The following PDGFB variants were observed in gnomAD, a reference collection of about 807,000 sequenced individuals.
The protein encoded by PDGFB is platelet derived growth factor subunit B, also known as platelet-derived growth factor subunit B.
PDGFB carries 6 observed loss-of-function variants against 29.0 expected under a neutral mutation model. The ratio of observed to expected loss-of-function variants is 0.21; its 90% CI spans 0.11 to 0.41. PDGFB has a LOEUF of 0.41. Among genes scored for constraint, PDGFB ranks in the 10% least tolerant of loss-of-function variants. The pLI is 1.00. For missense variants in PDGFB, 299 were observed against 341.8 expected, an observed-to-expected ratio of 0.87 and a Z score of 0.99; for synonymous variants, 144 against 140.8, an observed-to-expected ratio of 1.02 and a Z score of -0.16.
intron 1 of PDGFB, among the ~76,000 whole-genome samples, chr22:39,238,642 C>G (rs1480694283): frequency 6.6e-6 from 1 of 152,232 alleles, no homozygotes; most frequent in Admixed American, 6.5e-5. Flanking sequence ...AGAGCTGGGT[C>G]GTTCCCAGGC....
chr22:39,233,392 C>T lies in PDGFB; in HGVS notation c.250+43G>A, dbSNP rs750064251. The T allele has an allele frequency of 1.8e-5, 26 of 1,455,826 alleles. 1 individual carries two copies. In the South Asian group the frequency reaches 3.0e-4, roughly 17 times the overall value. 90.2% of individuals were successfully genotyped at this position (1,455,826 alleles called of 1,614,324 possible). A position where few individuals can be genotyped will look rare whatever the true frequency, so the allele number is the denominator to read the frequency against. On this transcript the variant is annotated intron_variant, in intron 3 of 6. Coordinates refer to ENST00000331163, the MANE Select transcript of PDGFB (RefSeq NM_002608.4). ...CGCCCCCGTTCTCTTTCCCTGGCCC[C>T]CATGCTAATTTGAAGGACCCTTGTT...
intron 5 of PDGFB, 40 bp from the exon 6 acceptor site, chr22:39,225,887 AT>A (rs1932156172): frequency 6.3e-7 from 1 of 1,588,070 alleles, no homozygotes; most frequent in South Asian, 1.1e-5. Context: ...CATGTGGACC[AT>A]TGGGGAGGTC....
At chr22:39,235,482 T>C (rs2146446088) in intron 2 of PDGFB, among the ~76,000 whole-genome samples, 1 of 152,244 alleles carries the variant, frequency 6.6e-6, no homozygotes, top group Non-Finnish European at 1.5e-5. Flanking sequence ...CCTGGAGACA[T>C]ACTCGGCAGA....
At chr22:39,225,487 C>T (rs534604005) in intron 6 of PDGFB, among the ~76,000 whole-genome samples, 174 bp from the exon 7 acceptor site, 1 of 152,100 alleles carries the variant, frequency 6.6e-6, no homozygotes, top group East Asian at 1.9e-4. Flanking sequence ...ATTTAGACCT[C>T]CCATCCTCTT....
intron 3 of PDGFB, among the ~76,000 whole-genome samples, chr22:39,233,011 C>T (rs1932347897): frequency 6.6e-6 from 1 of 152,166 alleles, no homozygotes; most frequent in African/African-American, 2.4e-5. Flanking sequence ...GGCCCTTTGC[C>T]ACAGGAGATA....
chr22:39,235,839 C>A lies in PDGFB; in HGVS notation c.99G>T (p.Leu33=), dbSNP rs1932430119. 1 of 1,613,890 alleles carries A rather than the reference C, an allele frequency of 6.2e-7. No homozygotes were observed. The highest frequency in any genetic ancestry group is 8.5e-7 in the Non-Finnish European group (1 of 1,180,002). Residue 33 remains leucine (L), a synonymous_variant, in exon 2 of 7, where the codon CTG becomes CTT. Transcript: ENST00000331163. The part of the protein sequence containing the change: ...DPIPEELYEM[L]SDHSIRSFDD... The stretch of plus-strand genomic sequence containing the variant: ...CAAAGGAGCGGATCGAGTGGTCACT[C>A]AGCATCTCATAAAGCTCCTCGGGAA...
At position 39,244,007 on chromosome 22, in the gene PDGFB, C is replaced by A; in HGVS notation, c.-44G>T. The A allele has an allele frequency of 7.9e-7, 1 of 1,265,530 alleles. No homozygotes were observed. The highest frequency in any genetic ancestry group is 1.1e-6 in the Non-Finnish European group (1 of 934,156). The allele number at this position is 1,265,530 out of a possible 1,614,324, so 78.4% of individuals were successfully genotyped here. On this transcript the variant is annotated 5_prime_UTR_variant, in exon 1 of 7. Transcript: ENST00000331163. This position sits in a 1 kb window ranked among gnomAD's most constrained non-coding sequence, Gnocchi z 4.5. ...CCCGCGGGGCCCCGGACGCGTAGAT[C>A]GAGCGCGCCGCCCCCGCGGCCAGGG...
intron 1 of PDGFB, chr22:39,241,064 AG>A: frequency 1.5e-6 from 1 of 653,772 alleles, no homozygotes; most frequent in East Asian, 2.7e-5. Flanking sequence ...TAGGGCCATT[AG>A]CAAAGCCAGA....
At position 39,244,660 on chromosome 22, in the gene PDGFB, G is replaced by A. The variant is rs1342428150; in HGVS notation, c.-697C>T. ...GCGCTCGGCTGGGCCCGGCCGACAG[G>A]TGGACGCGGCGCGAGTCCGTCGGTC... On this transcript the variant is annotated 5_prime_UTR_variant, in exon 1 of 7. Transcript: ENST00000331163. The surrounding 1 kb of genome is among the most constrained non-coding windows in gnomAD (Gnocchi z 4.5). 2 of 168,388 alleles carry A rather than the reference G, an allele frequency of 1.2e-5. No individual in the cohort carries two copies. The highest frequency in any genetic ancestry group is 2.6e-5 in the Non-Finnish European group (2 of 78,282). The allele number at this position is 168,388 out of a possible 1,614,324, so 10.4% of individuals were successfully genotyped here.
intron 5 of PDGFB, among the ~76,000 whole-genome samples, chr22:39,229,583 CA>C (rs991072611): frequency 7.9e-5 from 12 of 152,312 alleles, no homozygotes; most frequent in African/African-American, 2.6e-4. Flanking sequence ...TTCTCTCATC[CA>C]GGCCCAGATT....
chr22:39,239,669 G>C (rs952433519), intron 1 of PDGFB, among the ~76,000 whole-genome samples: 1 of 152,208 alleles, frequency 6.6e-6, no homozygotes, highest in Non-Finnish European at 1.5e-5. Flanking sequence ...AGGGCGTGGC[G>C]AGGAGGCAGC....
Position 39,225,191 on chromosome 22 carries a change from G to A in PDGFB, c.*151C>T, listed in dbSNP as rs1395148682. The stretch of plus-strand genomic sequence containing the variant: ...TGATGGAAGGGTGGACGGACACGTG[G>A]AGGGGTGGGGGAAGCACCATTGGCC... On this transcript the variant is annotated 3_prime_UTR_variant, in exon 7 of 7. Transcript: ENST00000331163. 6.5e-6 allele frequency: 1 copy of A among 152,768 alleles called. No homozygotes were observed. Among genetic ancestry groups the A allele is most frequent in the Non-Finnish European group, 1.5e-5 (1 of 68,134 alleles). The allele number at this position is 152,768 out of a possible 1,614,324, so 9.5% of individuals were successfully genotyped here.
intron 1 of PDGFB, chr22:39,241,103 G>A (rs2146454900): frequency 3.3e-6 from 2 of 600,620 alleles, no homozygotes; most frequent in East Asian, 2.8e-5. Flanking sequence ...GGGCAGTGGG[G>A]CCCTTCACTC....
At chr22:39,240,812 C>T (rs1241082186) in intron 1 of PDGFB, 3 of 1,609,826 alleles carry the variant, frequency 1.9e-6, no homozygotes, top group South Asian at 1.1e-5. Flanking sequence ...GAAGAGGCTC[C>T]TCAATGTGGG....
chr22:39,241,845 G>A (rs1407327771), intron 1 of PDGFB, among the ~76,000 whole-genome samples: 1 of 152,206 alleles, frequency 6.6e-6, no homozygotes, highest in Non-Finnish European at 1.5e-5. Flanking sequence ...TCCACCACGC[G>A]GAGGTGGTTG....
Position 39,235,765 on chromosome 22 carries a change from G to A in PDGFB, c.160+13C>T. On this transcript the variant is annotated intron_variant, in intron 2 of 6. Coordinates refer to ENST00000331163, the MANE Select transcript of PDGFB (RefSeq NM_002608.4). ...CTCGGAGGGCCGGAGCGCGGGGCGA[G>A]GATTCCATTTACCTCCGGGGTCTCC... The A allele has an allele frequency of 1.3e-6, 2 of 1,595,618 alleles. No individual in the cohort carries two copies. The highest frequency in any genetic ancestry group is 1.7e-6 in the Non-Finnish European group (2 of 1,163,362).
At position 39,244,276 on chromosome 22, in the gene PDGFB, T is replaced by C. The variant is rs1271198173; in HGVS notation, c.-313A>G. ...TGCGTCGCGAACCAGCCGAGGCGTC[T>C]AGCCGTGTGGGGGCGCCCAGGGGAC... On this transcript the variant is annotated 5_prime_UTR_variant, in exon 1 of 7. Coordinates refer to ENST00000331163, the MANE Select transcript of PDGFB (RefSeq NM_002608.4). The surrounding 1 kb of genome is among the most constrained non-coding windows in gnomAD (Gnocchi z 4.5). The C allele has an allele frequency of 4.5e-6, 1 of 222,422 alleles. No homozygotes were observed. The highest frequency in any genetic ancestry group is 8.9e-6 in the Non-Finnish European group (1 of 112,254). The allele number at this position is 222,422 out of a possible 1,614,324, so 13.8% of individuals were successfully genotyped here.
In PDGFB at chr22:39,238,830, T is replaced by C. The variant is rs556320555; in HGVS notation, c.64-2956A>G. Among the ~76,000 whole-genome samples the C allele has an allele frequency of 4.6e-5, 7 of 152,340 alleles. No homozygotes were observed. The South Asian group carries it at 8.3e-4, about 18-fold the overall frequency. On this transcript the variant is annotated intron_variant, in intron 1 of 6. Coordinates refer to ENST00000331163, the MANE Select transcript of PDGFB (RefSeq NM_002608.4). ...GTGGGCCCCCAGGGGACAGTGGCAA[T>C]GTATGAAGGCATCGCTGGTGGCCAC...
intron 1 of PDGFB, among the ~76,000 whole-genome samples, chr22:39,241,364 C>A (rs547178708): frequency 2.0e-5 from 3 of 152,274 alleles, no homozygotes; most frequent in Non-Finnish European, 2.9e-5. Flanking sequence ...ACAGCTCCTT[C>A]CTGGACTGAC....
Sources: allele counts gnomAD v4.1 joint callset (sites outside exome capture counted in the v4.1 genomes callset), GRCh38; gene constraint gnomAD v4.1.1; non-coding constraint Gnocchi (gnomAD v3.1); transcripts MANE v1.5; gene names NCBI Gene and HGNC (gene_info 2026-07-23, HGNC 2026-07-21).